ALCAM: variants seen among roughly 807,000 people sequenced by gnomAD.
The protein encoded by ALCAM is activated leukocyte cell adhesion molecule.
Under a neutral mutation model 70.9 loss-of-function variants are expected in ALCAM, and 30 were observed. The ratio of observed to expected loss-of-function variants is 0.42; its 90% CI spans 0.32 to 0.57. The LOEUF is 0.57. Ranked by LOEUF, ALCAM falls within the 20% of genes least tolerant of loss-of-function variation. The probability of loss-of-function intolerance (pLI) is 0.11; values close to 1 mark genes in which losing one functional copy is unlikely to be tolerated. For synonymous variants in ALCAM, 249 were observed against 242.5 expected (o/e 1.03, Z -0.25); for missense variants, 591 against 695.1 (o/e 0.85, Z 1.68).
chr3:105,511,904 C>G (rs909452575), intron 1 of ALCAM, among the ~76,000 whole-genome samples: 1 of 151,920 alleles, frequency 6.6e-6, no homozygotes. Flanking sequence ...TAATAATCCA[C>G]TTTTTTATCC....
chr3:105,486,622 A>T (rs182727277), intron 1 of ALCAM, among the ~76,000 whole-genome samples: 1 of 152,260 alleles, frequency 6.6e-6, no homozygotes, highest in Admixed American at 6.5e-5. Context: ...TTTAGCAAGC[A>T]TGCATCCATT....
chr3:105,435,332 C>A (rs1462661688), intron 1 of ALCAM, among the ~76,000 whole-genome samples: 1 of 152,174 alleles, frequency 6.6e-6, no homozygotes, highest in African/African-American at 2.4e-5. Flanking sequence ...AAAATAAAAT[C>A]CACTCTTACT....
At chr3:105,464,412 T>C (rs1432008564) in intron 1 of ALCAM, among the ~76,000 whole-genome samples, 1 of 151,244 alleles carries the variant, frequency 6.6e-6, no homozygotes, top group Admixed American at 6.6e-5. Flanking sequence ...CAGGTGACTC[T>C]TAGTTACTCA....
intron 14 of ALCAM, among the ~76,000 whole-genome samples, chr3:105,570,134 G>A (rs555840041): frequency 2.6e-5 from 4 of 152,108 alleles, no homozygotes; most frequent in South Asian, 4.1e-4. Context: ...GATATTCAAA[G>A]AGTCAAGAAA....
intron 6 of ALCAM, among the ~76,000 whole-genome samples, chr3:105,539,680 T>C (rs1940067544): frequency 6.6e-6 from 1 of 152,066 alleles, no homozygotes; most frequent in Non-Finnish European, 1.5e-5. Flanking sequence ...AGTTTGATTG[T>C]TCCTATGGTC....
chr3:105,368,900 G>A (rs981419579), intron 1 of ALCAM, among the ~76,000 whole-genome samples: 1 of 152,168 alleles, frequency 6.6e-6, no homozygotes, highest in Non-Finnish European at 1.5e-5. Flanking sequence ...TCGGGCTCTG[G>A]GGCGGGGACT....
chr3:105,521,307 C>CAAAAAAA (rs3996196), intron 2 of ALCAM, among the ~76,000 whole-genome samples: 14 of 78,138 alleles, frequency 1.8e-4, no homozygotes, highest in African/African-American at 5.3e-4. Flanking sequence ...GACTCCGTCT[C>CAAAAAAA]AAAAAAAAAA....
chr3:105,490,890 G>A (rs1938564791), intron 1 of ALCAM, among the ~76,000 whole-genome samples: 1 of 152,170 alleles, frequency 6.6e-6, no homozygotes, highest in Non-Finnish European at 1.5e-5. Flanking sequence ...TCTGAGGGCT[G>A]CAAGATGGTG....
intron 1 of ALCAM, among the ~76,000 whole-genome samples, chr3:105,384,584 A>C (rs1935601502): frequency 6.6e-6 from 1 of 151,526 alleles, no homozygotes; most frequent in African/African-American, 2.4e-5. Flanking sequence ...TGTCTTCTGA[A>C]TTCTTGCCCA....
chr3:105,376,915 AG>A (rs2107325986), intron 1 of ALCAM, among the ~76,000 whole-genome samples: 1 of 152,272 alleles, frequency 6.6e-6, no homozygotes, highest in East Asian at 1.9e-4. Flanking sequence ...TTGAAGGTTG[AG>A]GCAAAAACCA....
chr3:105,423,930 G>A (rs1353478919), intron 1 of ALCAM, among the ~76,000 whole-genome samples: 1 of 151,378 alleles, frequency 6.6e-6, no homozygotes, highest in African/African-American at 2.4e-5. Context: ...GAATAGTTTG[G>A]GGGACATCTA....
At chr3:105,476,636 T>A (rs1055901540) in intron 1 of ALCAM, among the ~76,000 whole-genome samples, 1 of 151,908 alleles carries the variant, frequency 6.6e-6, no homozygotes, top group African/African-American at 2.4e-5. Flanking sequence ...CAAAAAAAAA[T>A]CCTGTAGCAG....
At chr3:105,469,133 T>G (rs1937841605) in intron 1 of ALCAM, among the ~76,000 whole-genome samples, 1 of 148,826 alleles carries the variant, frequency 6.7e-6, no homozygotes, top group African/African-American at 2.5e-5. Context: ...TTGTAGAGAC[T>G]TTGGATTCTG....
intron 1 of ALCAM, among the ~76,000 whole-genome samples, chr3:105,507,573 C>T (rs140476334): frequency 0.015 from 2,278 of 152,130 alleles, 25 homozygotes; most frequent in Middle Eastern, 0.037. Context: ...CATTTCAGGT[C>T]CCTTCGTGTT....
intron 1 of ALCAM, among the ~76,000 whole-genome samples, chr3:105,389,140 A>G (rs1446645376): frequency 4.0e-5 from 6 of 151,564 alleles, no homozygotes; most frequent in African/African-American, 1.4e-4. Context: ...AGTGGAAGGT[A>G]TGGTGTACTA....
chr3:105,420,763 A>C (rs1936629798), intron 1 of ALCAM, among the ~76,000 whole-genome samples: 1 of 151,594 alleles, frequency 6.6e-6, no homozygotes, highest in Admixed American at 6.6e-5. Flanking sequence ...AGGCATATTT[A>C]CACCTAATTA....
chr3:105,457,203 AT>A (rs1333574045), intron 1 of ALCAM, among the ~76,000 whole-genome samples: 1 of 152,176 alleles, frequency 6.6e-6, no homozygotes, highest in East Asian at 1.9e-4. Flanking sequence ...CTCCAGCTCC[AT>A]TCCTGTCCCT....
intron 1 of ALCAM, among the ~76,000 whole-genome samples, chr3:105,463,285 A>G (rs1937629509): frequency 6.6e-6 from 1 of 151,432 alleles, no homozygotes; most frequent in Non-Finnish European, 1.5e-5. Context: ...AGCAGCCATT[A>G]AGATGGTTTT....
At chr3:105,567,259 C>T (rs1576246145) in intron 14 of ALCAM, among the ~76,000 whole-genome samples, 2 of 152,266 alleles carry the variant, frequency 1.3e-5, no homozygotes, top group South Asian at 4.1e-4. Flanking sequence ...GACTTCTGAG[C>T]ATTTTGGATC....
Sources: allele counts gnomAD v4.1 joint callset (sites outside exome capture counted in the v4.1 genomes callset), GRCh38; gene constraint gnomAD v4.1.1; transcripts MANE v1.5; gene names NCBI Gene and HGNC (gene_info 2026-07-23, HGNC 2026-07-21).